KCTD5: variants seen among roughly 807,000 people sequenced by gnomAD.
The protein encoded by KCTD5 is potassium channel tetramerization domain containing 5.
A neutral mutation model predicts 27.9 loss-of-function variants in KCTD5; 12 were observed. That is an observed-to-expected ratio of 0.43 (90% CI 0.28 to 0.70). The LOEUF is 0.70. Ranked by LOEUF, KCTD5 falls within the 30% of genes least tolerant of loss-of-function variation. KCTD5 has a pLI of 0.19. For missense variants in KCTD5, 226 were observed against 274.8 expected, an observed-to-expected ratio of 0.82 and a Z score of 1.26; for synonymous variants, 147 against 121.4, an observed-to-expected ratio of 1.21 and a Z score of -1.39.
chr16:2,684,075 G>T (rs1424994319), intron 1 of KCTD5: 2 of 151,664 alleles, frequency 1.3e-5, no homozygotes, highest in Admixed American at 1.3e-4. Flanking sequence ...ATAGAAATAG[G>T]CGTTTGTTAG....
chr16:2,706,616 A>G (rs955125991), intron 5 of KCTD5, among the ~76,000 whole-genome samples: 3 of 138,694 alleles, frequency 2.2e-5, no homozygotes, highest in African/African-American at 5.3e-5. Flanking sequence ...GACACTGGTG[A>G]GGGAAGTGGG....
chr16:2,682,986 G>C, intron 1 of KCTD5, 186 bp downstream of exon 1: 2 of 632,958 alleles, frequency 3.2e-6, no homozygotes, highest in Non-Finnish European at 5.0e-6. Context: ...GGGAGGGGAG[G>C]GTGAGGATGG....
At chr16:2,696,570 C>T (rs1567194735) in intron 2 of KCTD5, among the ~76,000 whole-genome samples, 1 of 152,244 alleles carries the variant, frequency 6.6e-6, no homozygotes, top group African/African-American at 2.4e-5. Context: ...CCCAGGCTGG[C>T]CTGCCTGTGT....
At chr16:2,704,412 G>A (rs2067625838) in intron 5 of KCTD5, among the ~76,000 whole-genome samples, 1 of 152,230 alleles carries the variant, frequency 6.6e-6, no homozygotes, top group East Asian at 1.9e-4. Flanking sequence ...GGCGGCGGGA[G>A]AGCCTGGGTG....
rs921395335 is a variant in KCTD5 at position 2,707,879 on chromosome 16, G to A, written c.*552G>A. ...TTCTGCGTCGTCACTGCTTCCCGGC[G>A]CCATTCCGAGGCCGGGCCTTCTTCT... On this transcript the variant is annotated 3_prime_UTR_variant, in exon 6 of 6. Transcript: ENST00000301738. 10 of 174,264 alleles carry A rather than the reference G, an allele frequency of 5.7e-5. No individual in the cohort carries two copies. Among genetic ancestry groups the A allele is most frequent in the African/African-American group, 1.7e-4 (7 of 42,226 alleles). The allele number at this position is 174,264 out of a possible 1,614,324, so 10.8% of individuals were successfully genotyped here. A position where few individuals can be genotyped will look rare whatever the true frequency, so the allele number is the denominator to read the frequency against.
intron 5 of KCTD5, 86 bp from the exon 6 acceptor site, chr16:2,707,212 T>TG: frequency 7.4e-7 from 1 of 1,348,978 alleles, no homozygotes; most frequent in Non-Finnish European, 1.0e-6. Context: ...ACCCCAGGCC[T>TG]GTGGGCTCTG....
chr16:2,705,922 T>A (rs1363669915), intron 5 of KCTD5, among the ~76,000 whole-genome samples: 1 of 152,184 alleles, frequency 6.6e-6, no homozygotes, highest in Non-Finnish European at 1.5e-5. Flanking sequence ...GGCTCCCGGA[T>A]GCTCAGATGC....
rs370766760 is a variant in KCTD5 at position 2,682,532 on chromosome 16, CG to C, written c.-13del. The C allele has an allele frequency of 1.5e-4, 205 of 1,390,588 alleles. No individual in the cohort carries two copies. In the East Asian group the frequency reaches 3.9e-3, roughly 26 times the overall value. 86.1% of individuals were successfully genotyped at this position (1,390,588 alleles called of 1,614,324 possible). A position where few individuals can be genotyped will look rare whatever the true frequency, so the allele number is the denominator to read the frequency against. ...CGCTTCCGGTGGAAGGGAGCTGTTGCGGGGCTTGCTGGGATCATGGCGGAGA... is the reference window on the plus strand; with the variant it reads ...CGCTTCCGGTGGAAGGGAGCTGTTGCGGGCTTGCTGGGATCATGGCGGAGA... On this transcript the variant is annotated 5_prime_UTR_variant, in exon 1 of 6. Transcript: ENST00000301738.
intron 1 of KCTD5, 98 bp downstream of exon 1, chr16:2,682,898 G>C: frequency 7.2e-7 from 1 of 1,397,528 alleles, no homozygotes; most frequent in Non-Finnish European, 9.4e-7. Flanking sequence ...CAGCGGGAGC[G>C]GGCGACTCTC....
chr16:2,703,652 C>T (rs975503163), intron 5 of KCTD5, among the ~76,000 whole-genome samples: 6 of 152,208 alleles, frequency 3.9e-5, no homozygotes, highest in Admixed American at 2.0e-4. Flanking sequence ...GGCCAGCTCA[C>T]GGCAGCCTTT....
At position 2,707,594 on chromosome 16, in the gene KCTD5, C is replaced by T. The variant is rs1249665419; in HGVS notation, c.*267C>T. 9.8e-6 allele frequency: 6 copies of T among 612,546 alleles called. No homozygotes were observed. Among genetic ancestry groups the T allele is most frequent in the East Asian group, 2.7e-5 (1 of 36,584 alleles). 37.9% of individuals were successfully genotyped at this position (612,546 alleles called of 1,614,324 possible). A position where few individuals can be genotyped will look rare whatever the true frequency, so the allele number is the denominator to read the frequency against. ...CTCGCTCTGTTTTTTCCAAGTGCCA[C>T]GTGGGACTGAGGCAGACACTCCCAG... On this transcript the variant is annotated 3_prime_UTR_variant, in exon 6 of 6. Transcript: ENST00000301738.
At chr16:2,702,110 G>A (rs998046711) in intron 4 of KCTD5, among the ~76,000 whole-genome samples, 4 of 152,180 alleles carry the variant, frequency 2.6e-5, no homozygotes, top group Non-Finnish European at 5.9e-5. Flanking sequence ...AGCTGGAAGC[G>A]CCAAGGAAAG....
At chr16:2,698,547 C>T (rs2067596724) in intron 3 of KCTD5, among the ~76,000 whole-genome samples, 1 of 152,226 alleles carries the variant, frequency 6.6e-6, no homozygotes, top group African/African-American at 2.4e-5. Flanking sequence ...GTGGAGGGGC[C>T]ACTGCTGGGC....
At chr16:2,687,654 C>A (rs977978211) in intron 1 of KCTD5, among the ~76,000 whole-genome samples, 1 of 152,240 alleles carries the variant, frequency 6.6e-6, no homozygotes, top group Non-Finnish European at 1.5e-5. Context: ...CGCCTGCTGC[C>A]TGGTCTCGCC....
At chr16:2,693,699 T>G (rs2067577122) in intron 1 of KCTD5, among the ~76,000 whole-genome samples, 1 of 152,202 alleles carries the variant, frequency 6.6e-6, no homozygotes, top group Non-Finnish European at 1.5e-5. Context: ...CTTCTCCTCT[T>G]GCACCGGCCC....
intron 3 of KCTD5, among the ~76,000 whole-genome samples, chr16:2,699,485 C>T (rs943252468): frequency 2.0e-5 from 3 of 152,258 alleles, no homozygotes; most frequent in Admixed American, 6.5e-5. Context: ...CCGATGAATT[C>T]AGGGCTGCAC....
At chr16:2,682,857 G>A in intron 1 of KCTD5, 57 bp downstream of exon 1, 2 of 1,523,272 alleles carry the variant, frequency 1.3e-6, no homozygotes, top group South Asian at 1.2e-5. Flanking sequence ...TGCGGCTCCT[G>A]CACACGCCCT....
intron 1 of KCTD5, among the ~76,000 whole-genome samples, chr16:2,691,429 G>C (rs760076323): frequency 1.1e-4 from 16 of 152,340 alleles, no homozygotes; most frequent in Admixed American, 5.9e-4. Flanking sequence ...CCTACTGCTC[G>C]CCCTTCAGCC....
intron 1 of KCTD5, among the ~76,000 whole-genome samples, chr16:2,689,827 C>T (rs1483961373): frequency 4.6e-5 from 7 of 152,202 alleles, no homozygotes; most frequent in Non-Finnish European, 8.8e-5. Context: ...AGGCACCCTC[C>T]ACCATGCCTG....
Sources: allele counts gnomAD v4.1 joint callset (sites outside exome capture counted in the v4.1 genomes callset), GRCh38; gene constraint gnomAD v4.1.1; transcripts MANE v1.5; gene names NCBI Gene and HGNC (gene_info 2026-07-23, HGNC 2026-07-21).